The following ADGRA2 variants were observed in gnomAD, a reference collection of about 807,000 sequenced individuals.
The protein encoded by ADGRA2 is G-protein coupled receptor 124.
A neutral mutation model predicts 98.7 loss-of-function variants in ADGRA2; 61 were observed. The ratio of observed to expected loss-of-function variants is 0.62; its 90% CI spans 0.50 to 0.76. The LOEUF is 0.76. ADGRA2 is among the 30% of genes least tolerant of loss of function. ADGRA2 has a pLI of 0.00. For missense variants in ADGRA2, 1,712 were observed against 1,860.0 expected, an observed-to-expected ratio of 0.92 and a Z score of 1.46; for synonymous variants, 858 against 831.5, an observed-to-expected ratio of 1.03 and a Z score of -0.55.
chr8:37,798,095 T>G (rs1804392527), intron 1 of ADGRA2, among the ~76,000 whole-genome samples: 1 of 152,048 alleles, frequency 6.6e-6, no homozygotes, highest in East Asian at 1.9e-4. Flanking sequence ...GAGGCTGGGC[T>G]CAGAAAAGTC....
In ADGRA2 at chr8:37,805,557, G is replaced by A. The variant is rs184201145; in HGVS notation, c.266+8023G>A. 3.2e-3 allele frequency among the ~76,000 whole-genome samples: 487 copies of A among 152,058 alleles called. 4 individuals carry two copies. Among genetic ancestry groups the A allele is most frequent in the Non-Finnish European group, 6.2e-3 (418 of 67,948 alleles). The stretch of plus-strand genomic sequence containing the variant: ...TTCAAAACCATTCTGGGCACATAGA[G>A]ATCCGTGTCTAAATTTTTTTTTTCT... On this transcript the variant is annotated intron_variant, in intron 1 of 18. Transcript: ENST00000412232.
chr8:37,840,017 G>C, intron 16 of ADGRA2, 104 bp from the exon 17 acceptor site: 1 of 1,093,622 alleles, frequency 9.1e-7, no homozygotes, highest in Non-Finnish European at 1.3e-6. Flanking sequence ...AAAAAAGCTG[G>C]GGGCCGGAGG....
At chr8:37,829,457 C>A (rs757874263) in intron 4 of ADGRA2, 31 bp from the exon 5 acceptor site, 2 of 1,584,632 alleles carry the variant, frequency 1.3e-6, no homozygotes, top group Non-Finnish European at 1.7e-6. Flanking sequence ...CACCCTAAGA[C>A]CCCATCTCAG....
chr8:37,820,583 G>T (rs1244077101), intron 2 of ADGRA2, among the ~76,000 whole-genome samples: 1 of 152,248 alleles, frequency 6.6e-6, no homozygotes, highest in Non-Finnish European at 1.5e-5. Context: ...AGATGTCTAG[G>T]CTTGGGCGGC....
chr8:37,839,115 G>A (rs372727017), intron 15 of ADGRA2, 32 bp downstream of exon 15: 52 of 1,607,242 alleles, frequency 3.2e-5, no homozygotes, highest in Non-Finnish European at 4.2e-5. Context: ...AGGGCGTGGT[G>A]GGCAGGCATG....
chr8:37,811,508 C>A (rs1387487718), intron 1 of ADGRA2, among the ~76,000 whole-genome samples: 2 of 126,276 alleles, frequency 1.6e-5, no homozygotes, highest in Non-Finnish European at 3.3e-5. Context: ...CAGAGTTTTT[C>A]TCTTGTTGCC....
rs1212069053 is a variant in ADGRA2, at chr8:37,802,242, T to C, written c.266+4708T>C. Among the ~76,000 whole-genome samples, 1 of 152,166 alleles carries C rather than the reference T, an allele frequency of 6.6e-6. No homozygotes were observed. The highest frequency in any genetic ancestry group is 1.5e-5 in the Non-Finnish European group (1 of 68,030). ...GCCACCAGGATCCAGTTAGGGGAAT[T>C]TGGGCAAAGTGTGCCAAGCGTCGTG... is the stretch of plus-strand genomic sequence containing the variant. On this transcript the variant is annotated intron_variant, in intron 1 of 18. Coordinates refer to ENST00000412232, the MANE Select transcript of ADGRA2 (RefSeq NM_032777.10). The surrounding 1 kb of genome is among the most constrained non-coding windows in gnomAD (Gnocchi z 4.7).
intron 2 of ADGRA2, among the ~76,000 whole-genome samples, chr8:37,828,647 T>C (rs1805357235): frequency 3.3e-5 from 5 of 150,864 alleles, no homozygotes; most frequent in Admixed American, 3.3e-4. Context: ...CTAATTTTTT[T>C]TTTTTTTTTT....
chr8:37,806,890 C>T (rs1429799041), intron 1 of ADGRA2, among the ~76,000 whole-genome samples: 1 of 152,156 alleles, frequency 6.6e-6, no homozygotes, highest in African/African-American at 2.4e-5. Flanking sequence ...AGATTCCCTT[C>T]CCATCCAAGC....
In ADGRA2 at chr8:37,841,347, C is replaced by T. The variant is rs376674634; in HGVS notation, c.3009C>T (p.Pro1003=). Residue 1003 remains proline, a synonymous_variant, in exon 19 of 19, where the codon CCC becomes CCT. Coordinates refer to ENST00000412232, the MANE Select transcript of ADGRA2 (RefSeq NM_032777.10). The surrounding 1 kb of genome is among the most constrained non-coding windows in gnomAD (Gnocchi z 5.0). ...CTGGGAGCGCGCGAGTGGGGACGCCCGGGCCCCCGGAGGATGGTGACAGCC... is the reference window on the plus strand; with the variant it reads ...CTGGGAGCGCGCGAGTGGGGACGCCTGGGCCCCCGGAGGATGGTGACAGCC... ...LATGSARVGT[P]GPPEDGDSLY... 2.5e-6 allele frequency: 4 copies of T among 1,605,386 alleles called. No individual in the cohort carries two copies. Among genetic ancestry groups the T allele is most frequent in the Admixed American group, 3.4e-5 (2 of 58,512 alleles).
intron 1 of ADGRA2, among the ~76,000 whole-genome samples, chr8:37,800,008 G>A (rs915650): frequency 0.37 from 56,043 of 151,924 alleles, 10,416 homozygotes; most frequent in Middle Eastern, 0.52. Flanking sequence ...TTCCTCTGAG[G>A]CTCAGTCCCT....
rs765061689 is a variant in ADGRA2, at chr8:37,831,552, C to A, written c.1062C>A (p.Pro354=). 1.2e-6 allele frequency: 2 copies of A among 1,613,830 alleles called. No individual in the cohort carries two copies. Among genetic ancestry groups the A allele is most frequent in the Non-Finnish European group, 1.7e-6 (2 of 1,180,022 alleles). Residue 354 remains proline, a synonymous_variant, in exon 8 of 19, where the codon CCC becomes CCA. Coordinates refer to ENST00000412232, the MANE Select transcript of ADGRA2 (RefSeq NM_032777.10). ...VVLETSASYC[P]AERVANNRGD... is the part of the protein sequence containing the mutation. The stretch of plus-strand genomic sequence containing the variant: ...TGGAGACCTCTGCCTCCTACTGCCC[C>A]GCCGAGCGTGTTGCCAACAACCGCG...
intron 2 of ADGRA2, among the ~76,000 whole-genome samples, chr8:37,815,990 C>A (rs530714700): frequency 6.6e-6 from 1 of 152,330 alleles, no homozygotes; most frequent in Middle Eastern, 3.4e-3. Context: ...CAGGGAGGGC[C>A]CTTGGCCCCT....
chr8:37,825,598 T>C (rs1805256057), intron 2 of ADGRA2, among the ~76,000 whole-genome samples: 1 of 152,044 alleles, frequency 6.6e-6, no homozygotes, highest in African/African-American at 2.4e-5. Flanking sequence ...GTATGCATAG[T>C]GATGGGTGTA....
Position 37,814,840 on chromosome 8 carries a change from G to C in ADGRA2, c.267-56G>C. On this transcript the variant is annotated intron_variant, in intron 1 of 18. Coordinates refer to ENST00000412232, the MANE Select transcript of ADGRA2 (RefSeq NM_032777.10). The surrounding 1 kb of genome is among the most constrained non-coding windows in gnomAD (Gnocchi z 4.3). ...AGCTGGCCCCACCAGTGGTGAAAGC[G>C]GATGCCCAGCACATAACAGCACCTT... 7.6e-7 allele frequency: 1 copy of C among 1,323,864 alleles called. No individual in the cohort carries two copies. The highest frequency in any genetic ancestry group is 1.1e-6 in the Non-Finnish European group (1 of 916,138). 82.0% of individuals were successfully genotyped at this position (1,323,864 alleles called of 1,614,324 possible). A position where few individuals can be genotyped will look rare whatever the true frequency, so the allele number is the denominator to read the frequency against.
At position 37,844,281 on chromosome 8, in the gene ADGRA2, C is replaced by G; in HGVS notation, c.*1926C>G. ...ACATAGGCAACTTGCTCTCCCACAC[C>G]AAGGGATGGGAATCTCTCCTACCTA... On this transcript the variant is annotated 3_prime_UTR_variant, in exon 19 of 19. Coordinates refer to ENST00000412232, the MANE Select transcript of ADGRA2 (RefSeq NM_032777.10). The G allele has an allele frequency of 1.7e-6, 1 of 596,568 alleles. No individual in the cohort carries two copies. Among genetic ancestry groups the G allele is most frequent in the African/African-American group, 1.9e-5 (1 of 53,948 alleles). 37.0% of individuals were successfully genotyped at this position (596,568 alleles called of 1,614,324 possible).
At position 37,835,614 on chromosome 8, in the gene ADGRA2, G is replaced by A; in HGVS notation, c.1894G>A (p.Ala632Thr). Residue 632 changes from alanine (A) to threonine (T), a missense_variant, in exon 13 of 19, where the codon GCC (alanine) becomes ACC (threonine). Coordinates refer to ENST00000412232, the MANE Select transcript of ADGRA2 (RefSeq NM_032777.10). ...PPSLFSSLPA[A>T]LAPPVPPDCT... ...GAGTCTATTCTCATCCCTTCCGGCT[G>A]CCCTGGCTCCCCCGGTGCCCCCAGA... The A allele has an allele frequency of 6.2e-7, 1 of 1,613,792 alleles. No homozygotes were observed. The highest frequency in any genetic ancestry group is 8.5e-7 in the Non-Finnish European group (1 of 1,179,802).
intron 1 of ADGRA2, among the ~76,000 whole-genome samples, chr8:37,811,152 C>CTG (rs542541010): frequency 0.011 from 837 of 78,274 alleles, 13 homozygotes; most frequent in African/African-American, 0.023. Flanking sequence ...AACTTTTATA[C>CTG]TGTGTGTGTG....
chr8:37,835,802 G>C, intron 13 of ADGRA2, 32 bp downstream of exon 13: 1 of 1,415,288 alleles, frequency 7.1e-7, no homozygotes, highest in Non-Finnish European at 1.0e-6. Context: ...CCCGCCCAGG[G>C]TGCCTCTCGT....
Sources: allele counts gnomAD v4.1 joint callset (sites outside exome capture counted in the v4.1 genomes callset), GRCh38; gene constraint gnomAD v4.1.1; non-coding constraint Gnocchi (gnomAD v3.1); transcripts MANE v1.5; gene names NCBI Gene and HGNC (gene_info 2026-07-23, HGNC 2026-07-21).